The following CYP2C19 variants were observed in gnomAD, a reference collection of about 807,000 sequenced individuals.
CYP2C19 encodes the protein cytochrome P450 2C19.
CYP2C19 carries 59 observed loss-of-function variants against 40.9 expected under a neutral mutation model. The ratio of observed to expected loss-of-function variants is 1.44; its 90% CI spans 1.17 to 1.79. CYP2C19 has a LOEUF of 1.79. Among genes scored for constraint, CYP2C19 ranks in the 40% most tolerant of loss-of-function variants. The pLI is 0.00. For synonymous variants in CYP2C19, 253 were observed against 208.7 expected (o/e 1.21, Z -1.83); for missense variants, 754 against 596.9 (o/e 1.26, Z -2.74).
intron 4 of CYP2C19, 42 bp from the exon 5 acceptor site, chr10:94,781,779 T>A: frequency 9.0e-7 from 1 of 1,114,562 alleles, no homozygotes; most frequent in Non-Finnish European, 1.2e-6. Context: ...TCTATACCTT[T>A]ATTAAATGCT....
intron 8 of CYP2C19, among the ~76,000 whole-genome samples, chr10:94,851,451 T>C (rs1458616981): frequency 4.9e-5 from 1 of 20,324 alleles, no homozygotes; most frequent in Non-Finnish European, 1.2e-4. Flanking sequence ...CACAAATAAA[T>C]AAATAAATAA....
At chr10:94,813,916 G>A (rs1848963411) in intron 5 of CYP2C19, among the ~76,000 whole-genome samples, 1 of 151,172 alleles carries the variant, frequency 6.6e-6, no homozygotes, top group African/African-American at 2.4e-5. Context: ...TGGTGGTGTA[G>A]GCTCTGAAGG....
At chr10:94,813,863 T>C (rs1378278233) in intron 5 of CYP2C19, among the ~76,000 whole-genome samples, 2 of 151,706 alleles carry the variant, frequency 1.3e-5, no homozygotes, top group Admixed American at 6.6e-5. Context: ...TCTTGGTGTC[T>C]GCCCAGATGA....
chr10:94,773,312 T>A (rs1290014929), intron 1 of CYP2C19, among the ~76,000 whole-genome samples: 1 of 152,194 alleles, frequency 6.6e-6, no homozygotes, highest in African/African-American at 2.4e-5. Flanking sequence ...GTGTTACAGT[T>A]CTTAAAGATG....
chr10:94,809,775 G>A (rs539150491), intron 5 of CYP2C19, among the ~76,000 whole-genome samples: 1 of 152,200 alleles, frequency 6.6e-6, no homozygotes, highest in East Asian at 1.9e-4. Flanking sequence ...TTAGCATGAA[G>A]GGGAGTTGAA....
At chr10:94,768,605 A>G (rs1848281655) in intron 1 of CYP2C19, among the ~76,000 whole-genome samples, 2 of 152,254 alleles carry the variant, frequency 1.3e-5, no homozygotes, top group Admixed American at 1.3e-4. Context: ...CATTTATATC[A>G]TGAGTAGTCC....
At chr10:94,849,877 C>T (rs372475714) in intron 7 of CYP2C19, 40 bp from the exon 8 acceptor site, 28 of 1,612,556 alleles carry the variant, frequency 1.7e-5, no homozygotes, top group African/African-American at 2.7e-5. Context: ...ACCTTCGTGA[C>T]TTCTTTACAG....
At chr10:94,775,026 TC>T in intron 1 of CYP2C19, 31 bp from the exon 2 acceptor site, 1 of 1,609,066 alleles carries the variant, frequency 6.2e-7, no homozygotes. Context: ...AACAGTGACT[TC>T]ATTTGCTGTT....
chr10:94,820,280 T>C lies in CYP2C19; in HGVS notation c.820-216T>C, dbSNP rs111945674. Among the ~76,000 whole-genome samples, 1,158 of 151,858 alleles carry C rather than the reference T, an allele frequency of 7.6e-3. 9 individuals are homozygous for C. Among genetic ancestry groups the C allele is most frequent in the African/African-American group, 0.027 (1,101 of 41,392 alleles). ...CTATCTATGACAAACCCACAGCCAA[T>C]ATCATACTGAATGGGCAAAAACTGG... On this transcript the variant is annotated intron_variant, in intron 5 of 8. Coordinates refer to ENST00000371321, the MANE Select transcript of CYP2C19 (RefSeq NM_000769.4).
chr10:94,778,413 C>T (rs1253866915), intron 3 of CYP2C19, among the ~76,000 whole-genome samples: 1 of 152,104 alleles, frequency 6.6e-6, no homozygotes, highest in African/African-American at 2.4e-5. Flanking sequence ...TCTCCCACCA[C>T]TCTGATGGAT....
chr10:94,770,756 A>G (rs999688390), intron 1 of CYP2C19, among the ~76,000 whole-genome samples: 1 of 152,170 alleles, frequency 6.6e-6, no homozygotes. Context: ...GACATCATTG[A>G]ATAATTCATG....
At chr10:94,794,972 C>A (rs887678985) in intron 5 of CYP2C19, among the ~76,000 whole-genome samples, 1 of 151,826 alleles carries the variant, frequency 6.6e-6, no homozygotes, top group Non-Finnish European at 1.5e-5. Context: ...AGAGGGCATC[C>A]TTGTCTTGTG....
chr10:94,803,466 ATCT>A (rs763709305), intron 5 of CYP2C19, among the ~76,000 whole-genome samples: 1 of 151,992 alleles, frequency 6.6e-6, no homozygotes, highest in African/African-American at 2.4e-5. Flanking sequence ...TTTCTGGGGG[ATCT>A]TCTTTGTTTC....
chr10:94,830,100 G>T (rs932027047), intron 6 of CYP2C19, among the ~76,000 whole-genome samples: 1 of 152,184 alleles, frequency 6.6e-6, no homozygotes, highest in Non-Finnish European at 1.5e-5. Context: ...GGTTACTGCT[G>T]TCTTTTTGTT....
At chr10:94,846,271 T>C (rs147678728) in intron 7 of CYP2C19, among the ~76,000 whole-genome samples, 12 of 152,280 alleles carry the variant, frequency 7.9e-5, no homozygotes, top group Admixed American at 7.9e-4. Context: ...TTAAATTTTC[T>C]TCGGGCTTGT....
intron 6 of CYP2C19, among the ~76,000 whole-genome samples, chr10:94,841,770 A>G (rs563334345): frequency 9.2e-5 from 14 of 152,226 alleles, no homozygotes; most frequent in South Asian, 6.2e-4. Context: ...TCATGAGCAT[A>G]TTGTTTAATT....
intron 6 of CYP2C19, among the ~76,000 whole-genome samples, chr10:94,832,751 T>C (rs2063250726): frequency 1.3e-5 from 2 of 152,192 alleles, no homozygotes; most frequent in South Asian, 4.1e-4. Context: ...TCTGGGTCTT[T>C]TGTGGGTCCA....
intron 7 of CYP2C19, among the ~76,000 whole-genome samples, chr10:94,845,851 G>A (rs544655329): frequency 1.4e-4 from 22 of 151,896 alleles, no homozygotes; most frequent in Non-Finnish European, 2.9e-4. Flanking sequence ...CATCACCTTT[G>A]TATTATAAAA....
intron 5 of CYP2C19, among the ~76,000 whole-genome samples, chr10:94,811,607 G>A (rs141534647): frequency 3.6e-4 from 54 of 152,072 alleles, no homozygotes; most frequent in Middle Eastern, 3.4e-3. Flanking sequence ...AGCTCTTCTC[G>A]TTGCATTGAT....
Sources: allele counts gnomAD v4.1 joint callset (sites outside exome capture counted in the v4.1 genomes callset), GRCh38; gene constraint gnomAD v4.1.1; transcripts MANE v1.5; gene names NCBI Gene and HGNC (gene_info 2026-07-23, HGNC 2026-07-21).